Variants in SHF observed in about 807,000 individuals in gnomAD.
The protein encoded by SHF is Src homology 2 domain containing F.
Under a neutral mutation model 42.4 loss-of-function variants are expected in SHF, and 30 were observed. The ratio of observed to expected loss-of-function variants is 0.71; its 90% CI spans 0.53 to 0.96. SHF has a LOEUF of 0.96. Among genes scored for constraint, SHF ranks in the 40% least tolerant of loss-of-function variants. The pLI is 0.00. For missense variants in SHF, 598 were observed against 634.0 expected (o/e 0.94, Z 0.61); for synonymous variants, 264 against 269.9 (o/e 0.98, Z 0.21).
chr15:45,177,853 C>T (rs59056606), intron 2 of SHF, among the ~76,000 whole-genome samples: 4,183 of 152,290 alleles, frequency 0.027, 223 homozygotes, highest in African/African-American at 0.097. Flanking sequence ...CTCATCCCCC[C>T]TCCCAAGGCT....
At chr15:45,176,944 G>C (rs1295725000) in intron 2 of SHF, among the ~76,000 whole-genome samples, 1 of 152,018 alleles carries the variant, frequency 6.6e-6, no homozygotes, top group Non-Finnish European at 1.5e-5. Flanking sequence ...TCTGTTCTTT[G>C]CCAATACCCA....
chr15:45,195,237 T>A (rs1310641540), intron 2 of SHF, among the ~76,000 whole-genome samples: 1 of 152,246 alleles, frequency 6.6e-6, no homozygotes, highest in Non-Finnish European at 1.5e-5. Flanking sequence ...AATCTCCCTT[T>A]TTCTAAACAC....
chr15:45,189,192 C>CAAA (rs1166122506), upstream of SHF, among the ~76,000 whole-genome samples: 25 of 58,542 alleles, frequency 4.3e-4, 1 homozygote, highest in African/African-American at 1.5e-3. Context: ...GACTCCGTCT[C>CAAA]AAAAAAAAAA....
intron 2 of SHF, among the ~76,000 whole-genome samples, 194 bp from the exon 3 acceptor site, chr15:45,175,619 A>G (rs556035791): frequency 6.6e-6 from 1 of 152,256 alleles, no homozygotes; most frequent in East Asian, 1.9e-4. Flanking sequence ...CAAGGGAGCC[A>G]ATGAAGGCAA....
At chr15:45,168,154 T>A (rs774845029) in intron 6 of SHF, 21 bp from the exon 7 acceptor site, 9 of 1,553,424 alleles carry the variant, frequency 5.8e-6, no homozygotes, top group Non-Finnish European at 7.0e-6. Flanking sequence ...GAGAGGAGAC[T>A]TTGGTGAGTG....
chr15:45,191,822 T>C (rs1276869913), upstream of SHF, among the ~76,000 whole-genome samples: 3 of 152,012 alleles, frequency 2.0e-5, no homozygotes, highest in Non-Finnish European at 4.4e-5. Flanking sequence ...GGCACAGTGG[T>C]TGAAGCCTGT....
In SHF at chr15:45,187,870, AC is replaced by A. The variant is rs1255868090; in HGVS notation, c.81del (p.Ser28ProfsTer20). 3.6e-5 allele frequency: 41 copies of A among 1,135,496 alleles called. No individual in the cohort carries two copies. Among genetic ancestry groups the A allele is most frequent in the Middle Eastern group, 3.5e-4 (1 of 2,838 alleles). 70.3% of individuals were successfully genotyped at this position (1,135,496 alleles called of 1,614,324 possible). A position where few individuals can be genotyped will look rare whatever the true frequency, so the allele number is the denominator to read the frequency against. ...TQGSAGGGPG[G>X]SRRGAGGAGA... Reference sequence around the variant, plus strand: ...CCCGCACCCCCGGCGCCCCGGCGGGACCCCCCCGGGCCGCCCCCAGCGCTCC... The same window carrying A: ...CCCGCACCCCCGGCGCCCCGGCGGGACCCCCCGGGCCGCCCCCAGCGCTCC... On this transcript the variant is annotated frameshift_variant, in exon 1 of 7. Coordinates refer to ENST00000690270, the MANE Select transcript of SHF (RefSeq NM_001394037.1). LOFTEE classifies it high-confidence loss of function.
chr15:45,186,432 G>C (rs1898405228), intron 1 of SHF, among the ~76,000 whole-genome samples: 1 of 152,208 alleles, frequency 6.6e-6, no homozygotes, highest in Non-Finnish European at 1.5e-5. Context: ...AGGAGAAGGG[G>C]GCAGGCCCCA....
chr15:45,194,780 C>T (rs1269247379), intron 2 of SHF, among the ~76,000 whole-genome samples: 1 of 152,204 alleles, frequency 6.6e-6, no homozygotes, highest in Non-Finnish European at 1.5e-5. Flanking sequence ...TGAAAGAAAC[C>T]TTACTCCTTT....
At chr15:45,178,098 T>A in intron 2 of SHF, 67 bp downstream of exon 2, 2 of 1,547,106 alleles carry the variant, frequency 1.3e-6, no homozygotes, top group Non-Finnish European at 8.7e-7. Flanking sequence ...CTTAGACTTG[T>A]GAGTCGCAAA....
intron 1 of SHF, chr15:45,200,487 G>A (rs903647547): frequency 2.6e-5 from 9 of 343,582 alleles, no homozygotes; most frequent in African/African-American, 6.4e-5. Context: ...ATCACGGCGA[G>A]CTACTAGGGA....
chr15:45,169,335 ACT>A (rs1026435073), intron 6 of SHF, among the ~76,000 whole-genome samples: 35 of 151,950 alleles, frequency 2.3e-4, no homozygotes, highest in Middle Eastern at 3.2e-3. Context: ...GAGGCCCCAA[ACT>A]CTATCCCTCT....
At chr15:45,180,349 A>G (rs901996649) in intron 1 of SHF, among the ~76,000 whole-genome samples, 5 of 151,948 alleles carry the variant, frequency 3.3e-5, no homozygotes, top group African/African-American at 1.2e-4. Context: ...ACTGGCACCC[A>G]CAGCCCCACC....
chr15:45,169,735 C>T (rs779920415), intron 6 of SHF, among the ~76,000 whole-genome samples: 7 of 152,244 alleles, frequency 4.6e-5, no homozygotes, highest in Non-Finnish European at 7.3e-5. Flanking sequence ...AGAGCTCAGC[C>T]GCCATCTGGA....
At chr15:45,175,524 G>T in intron 2 of SHF, 99 bp from the exon 3 acceptor site, 1 of 1,240,688 alleles carries the variant, frequency 8.1e-7, no homozygotes, top group Non-Finnish European at 1.1e-6. Context: ...GCCTCCTTCA[G>T]AGGAGATGCC....
chr15:45,187,819 CG>C lies in SHF; in HGVS notation c.132del (p.Ser44ArgfsTer4). 1 of 920,524 alleles carries C rather than the reference CG, an allele frequency of 1.1e-6. No homozygotes were observed. Among genetic ancestry groups the C allele is most frequent in the Non-Finnish European group, 1.4e-6 (1 of 712,790 alleles). The allele number at this position is 920,524 out of a possible 1,614,324, so 57.0% of individuals were successfully genotyped here. A position where few individuals can be genotyped will look rare whatever the true frequency, so the allele number is the denominator to read the frequency against. ...TCCCGGAGCCACTTGGCTACTCCGC[CG>C]CTGCCGCCCCCTCCTGGGCCGGCTC... ...GAGAGPGGGGSGGVAKWLREH... is the reference protein window; with the variant it reads ...GAGAGPGGGGXGGVAKWLREH... On this transcript the variant is annotated frameshift_variant, in exon 1 of 7. Coordinates refer to ENST00000690270, the MANE Select transcript of SHF (RefSeq NM_001394037.1). LOFTEE classifies it high-confidence loss of function.
rs1897927428 is a variant in SHF at position 45,178,189 on chromosome 15, A to G, written c.616T>C (p.Tyr206His). 6.2e-7 allele frequency: 1 copy of G among 1,613,314 alleles called. No homozygotes were observed. Among genetic ancestry groups the G allele is most frequent in the Non-Finnish European group, 8.5e-7 (1 of 1,179,872 alleles). Reference protein sequence around the residue: ...VPENDGYMEPYEAQKMMAEIR... With the variant: ...VPENDGYMEPHEAQKMMAEIR... ...CCGGCCATCATCTTTTGAGCCTCAT[A>G]GGGCTCCATGTAGCCATCATTTTCA... Residue 206 changes from tyrosine (Y) to histidine (H), a missense_variant, in exon 2 of 7, where the codon TAT becomes CAT. By Grantham distance (83) the Tyr-to-His change is moderately conservative. Around this residue, in one of 2 missense-constraint regions of SHF, gnomAD observed 439 missense variants for 524.6 expected, o/e 0.84. Coordinates refer to ENST00000690270, the MANE Select transcript of SHF (RefSeq NM_001394037.1).
Position 45,178,199 on chromosome 15 carries a change from G to A in SHF, c.606C>T (p.Tyr202=). 1 of 1,613,574 alleles carries A rather than the reference G, an allele frequency of 6.2e-7. No homozygotes were observed. Among genetic ancestry groups the A allele is most frequent in the Non-Finnish European group, 8.5e-7 (1 of 1,179,888 alleles). Residue 202 remains tyrosine, a synonymous_variant, in exon 2 of 7, where the codon TAC becomes TAT. Coordinates refer to ENST00000690270, the MANE Select transcript of SHF (RefSeq NM_001394037.1). ...APEKVPENDG[Y]MEPYEAQKMM... is the part of the protein sequence containing the mutation. ...TCTTTTGAGCCTCATAGGGCTCCATGTAGCCATCATTTTCAGGGACCTTCT... is the reference window on the plus strand; with the variant it reads ...TCTTTTGAGCCTCATAGGGCTCCATATAGCCATCATTTTCAGGGACCTTCT...
chr15:45,188,555 A>G (rs1898594951), upstream of SHF, among the ~76,000 whole-genome samples: 1 of 152,150 alleles, frequency 6.6e-6, no homozygotes, highest in Non-Finnish European at 1.5e-5. Flanking sequence ...CCAGGCAAAC[A>G]CATCTCACAT....
Sources: gnomAD v4.1 joint callset for allele counts (sites outside exome capture counted in the v4.1 genomes callset) on GRCh38, gnomAD v4.1.1 for gene constraint, gnomAD v4.1.1 regional missense constraint, MANE v1.5 for transcripts, NCBI Gene and HGNC (gene_info 2026-07-23, HGNC 2026-07-21) for gene names.